The following SCFD2 variants were observed in gnomAD, a reference collection of about 807,000 sequenced individuals.
The protein encoded by SCFD2 is sec1 family domain containing 2, also known as sec1 family domain-containing protein 2.
SCFD2 carries 54 observed loss-of-function variants against 58.9 expected under a neutral mutation model. The ratio of observed to expected loss-of-function variants is 0.92; its 90% CI spans 0.74 to 1.15. The LOEUF is 1.15. Among genes scored for constraint, SCFD2 ranks in the 50% most tolerant of loss-of-function variants. The pLI is 0.00. For synonymous variants in SCFD2, 321 were observed against 335.9 expected (o/e 0.96, Z 0.49); for missense variants, 805 against 836.6 (o/e 0.96, Z 0.47).
chr4:53,103,568 T>C (rs1724891389), intron 5 of SCFD2, among the ~76,000 whole-genome samples: 1 of 147,964 alleles, frequency 6.8e-6, no homozygotes, highest in South Asian at 2.1e-4. Flanking sequence ...AATATATATA[T>C]AATTTTCTTG....
chr4:53,329,110 A>G (rs12649340), intron 2 of SCFD2, among the ~76,000 whole-genome samples: 91,150 of 152,022 alleles, frequency 0.6, 27,492 homozygotes, highest in Middle Eastern at 0.66. Flanking sequence ...ACAGAGTCTC[A>G]CTGATTGCTA....
chr4:53,331,664 C>A (rs539727096), intron 2 of SCFD2, among the ~76,000 whole-genome samples: 2 of 152,196 alleles, frequency 1.3e-5, no homozygotes, highest in East Asian at 1.9e-4. Flanking sequence ...AAAATTGACA[C>A]CCTAACATCA....
chr4:53,257,989 T>TA lies in SCFD2; in HGVS notation c.1311+15836dup, dbSNP rs555150151. ...AGGGTTGGCTGCAAGAGAAACTTAA[T>TA]AAGATTTAGGAAGTAGAAGGAAGGC... On this transcript the variant is annotated intron_variant, in intron 4 of 8. Transcript: ENST00000401642. 1.6e-4 allele frequency among the ~76,000 whole-genome samples: 25 copies of TA among 152,182 alleles called. No homozygotes were observed. In the South Asian group the frequency reaches 5.2e-3, roughly 32 times the overall value.
intron 3 of SCFD2, among the ~76,000 whole-genome samples, chr4:53,285,697 A>G (rs980146431): frequency 1.3e-5 from 2 of 152,058 alleles, no homozygotes; most frequent in African/African-American, 4.8e-5. Context: ...TGTCACATAA[A>G]GAAACACCTT....
At chr4:53,013,112 A>T (rs1722134871) in intron 5 of SCFD2, among the ~76,000 whole-genome samples, 1 of 152,186 alleles carries the variant, frequency 6.6e-6, no homozygotes, top group African/African-American at 2.4e-5. Context: ...AAGCTCCAGA[A>T]AAACAGCCAT....
chr4:53,327,005 A>G (rs1050107586), intron 2 of SCFD2, among the ~76,000 whole-genome samples: 5 of 119,858 alleles, frequency 4.2e-5, no homozygotes, highest in African/African-American at 1.9e-4. Context: ...TCCAAATAAG[A>G]AAAAAAAAAA....
At chr4:52,888,936 C>T (rs765799478) in intron 7 of SCFD2, among the ~76,000 whole-genome samples, 9 of 152,190 alleles carry the variant, frequency 5.9e-5, no homozygotes, top group South Asian at 4.1e-4. Context: ...GATTTCTGAA[C>T]TCAACAGGTT....
At chr4:52,877,128 G>C (rs1718492250) in intron 8 of SCFD2, among the ~76,000 whole-genome samples, 1 of 152,202 alleles carries the variant, frequency 6.6e-6, no homozygotes, top group Non-Finnish European at 1.5e-5. Flanking sequence ...CAAAGAATCT[G>C]TCACTCTCGG....
chr4:52,907,926 A>G (rs1719387251), intron 6 of SCFD2, among the ~76,000 whole-genome samples: 1 of 152,208 alleles, frequency 6.6e-6, no homozygotes, highest in Non-Finnish European at 1.5e-5. Flanking sequence ...GAAACAAAGT[A>G]CTGTTGTTTG....
intron 5 of SCFD2, among the ~76,000 whole-genome samples, chr4:53,023,957 G>C (rs550141592): frequency 4.6e-5 from 7 of 152,250 alleles, no homozygotes; most frequent in African/African-American, 1.7e-4. Context: ...GTGGTGGAGG[G>C]AAGCCCTACT....
chr4:52,921,805 T>TCTCTGC (rs1719743515), intron 5 of SCFD2, among the ~76,000 whole-genome samples: 1 of 152,198 alleles, frequency 6.6e-6, no homozygotes, highest in Admixed American at 6.5e-5. Context: ...TGTCTGTCTC[T>TCTCTGC]CTCTGCCTCT....
chr4:52,894,215 T>C (rs1327405362), intron 7 of SCFD2, among the ~76,000 whole-genome samples: 1 of 152,086 alleles, frequency 6.6e-6, no homozygotes, highest in Non-Finnish European at 1.5e-5. Flanking sequence ...CATGGCCACA[T>C]AAGAAATGAA....
At chr4:53,181,322 T>G (rs1358943597) in intron 4 of SCFD2, among the ~76,000 whole-genome samples, 1 of 152,190 alleles carries the variant, frequency 6.6e-6, no homozygotes, top group Non-Finnish European at 1.5e-5. Flanking sequence ...CAAGTGGGCT[T>G]CATCCCTGGG....
chr4:52,986,491 ATTTTTTTTTTT>A (rs369944739), intron 5 of SCFD2, among the ~76,000 whole-genome samples: 1 of 84,924 alleles, frequency 1.2e-5, no homozygotes, highest in South Asian at 4.5e-4. Flanking sequence ...TCTTCATGAA[ATTTTTTTTTTT>A]TTTTTTTTTT....
At chr4:53,166,431 T>C (rs576994401) in intron 4 of SCFD2, among the ~76,000 whole-genome samples, 9 of 152,250 alleles carry the variant, frequency 5.9e-5, no homozygotes, top group Admixed American at 5.9e-4. Context: ...AATCATTCAC[T>C]TTGCATTGGA....
intron 5 of SCFD2, among the ~76,000 whole-genome samples, chr4:53,136,495 A>G (rs1244556099): frequency 6.6e-6 from 1 of 152,208 alleles, no homozygotes; most frequent in Non-Finnish European, 1.5e-5. Flanking sequence ...GATTAAAGGA[A>G]AGAATTGTCA....
At chr4:53,062,572 A>G (rs546432108) in intron 5 of SCFD2, among the ~76,000 whole-genome samples, 27 of 152,276 alleles carry the variant, frequency 1.8e-4, no homozygotes, top group Non-Finnish European at 3.7e-4. Context: ...TTGTTTAAGT[A>G]TCATGACTTA....
intron 4 of SCFD2, among the ~76,000 whole-genome samples, chr4:53,179,304 G>C (rs191162658): frequency 6.6e-6 from 1 of 152,098 alleles, no homozygotes; most frequent in Non-Finnish European, 1.5e-5. Flanking sequence ...CTGATCGCTC[G>C]GCAGAAACTC....
At chr4:52,932,213 T>C (rs1017323573) in intron 5 of SCFD2, among the ~76,000 whole-genome samples, 1 of 152,242 alleles carries the variant, frequency 6.6e-6, no homozygotes, top group East Asian at 1.9e-4. Flanking sequence ...GGGAGTCATA[T>C]GGTGACACTT....
Sources: gnomAD v4.1 joint callset for allele counts (sites outside exome capture counted in the v4.1 genomes callset) on GRCh38, gnomAD v4.1.1 for gene constraint, MANE v1.5 for transcripts, NCBI Gene and HGNC (gene_info 2026-07-23, HGNC 2026-07-21) for gene names.